The following CFAP54 variants were observed in gnomAD, a reference collection of about 807,000 sequenced individuals.
The protein encoded by CFAP54 is cilia and flagella associated protein 54, also known as cilia- and flagella-associated protein 54.
A neutral mutation model predicts 370.4 loss-of-function variants in CFAP54; 290 were observed. The observed-to-expected ratio is 0.78, with a 90% CI of 0.71 to 0.86. The LOEUF (loss-of-function observed/expected upper bound fraction) is 0.86, where lower values mean the gene tolerates loss of function less well. Among genes scored for constraint, CFAP54 ranks in the 40% least tolerant of loss-of-function variants. The pLI, the probability that CFAP54 is intolerant of heterozygous loss-of-function variation, is 0.00. For synonymous variants in CFAP54, 1,206 were observed against 1,236.5 expected (o/e 0.98, Z 0.52); for missense variants, 3,399 against 3,528.7 (o/e 0.96, Z 0.93).
In CFAP54 at chr12:96,752,085, T is replaced by TGAGAGAGAGAGAGAGAGA. The variant is rs55648812; in HGVS notation, c.7685-1627_7685-1610dup. Among the ~76,000 whole-genome samples, 243 of 90,614 alleles carry TGAGAGAGAGAGAGAGAGA rather than the reference T, an allele frequency of 2.7e-3. 13 individuals carry two copies. The highest frequency in any genetic ancestry group is 6.7e-3 in the Middle Eastern group (1 of 150). The allele number at this position is 90,614 out of a possible 152,430, so 59.4% of individuals were successfully genotyped here. ...AAGGACTCAGTAACTTCTTCCTGGA[T>TGAGAGAGAGAGAGAGAGA]GAGAGAGAGAGAGAGAGAGAGAGAG... On this transcript the variant is annotated intron_variant, in intron 55 of 67. Coordinates refer to ENST00000524981, the MANE Select transcript of CFAP54 (RefSeq NM_001306084.2).
intron 66 of CFAP54, among the ~76,000 whole-genome samples, chr12:96,859,599 GT>G (rs943985532): frequency 3.3e-5 from 5 of 152,028 alleles, no homozygotes; most frequent in Admixed American, 3.3e-4. Flanking sequence ...TAGAGACGGG[GT>G]TTCACTGTGT....
chr12:96,503,374 C>T (rs1955053970), intron 2 of CFAP54, among the ~76,000 whole-genome samples: 2 of 143,278 alleles, frequency 1.4e-5, no homozygotes, highest in Non-Finnish European at 3.1e-5. Flanking sequence ...TCTCTCCCTT[C>T]CCTCCTTCCT....
intron 50 of CFAP54, among the ~76,000 whole-genome samples, chr12:96,735,608 C>T (rs1173436771): frequency 6.6e-6 from 1 of 152,046 alleles, no homozygotes; most frequent in African/African-American, 2.4e-5. Context: ...AAAACTAATT[C>T]CTGAAAAAGG....
At chr12:96,680,864 A>G (rs1957261442) in intron 40 of CFAP54, among the ~76,000 whole-genome samples, 1 of 152,176 alleles carries the variant, frequency 6.6e-6, no homozygotes. Flanking sequence ...AGGGCAGATC[A>G]TTTGAGGTTA....
At chr12:96,812,489 C>A (rs779077773) in intron 64 of CFAP54, among the ~76,000 whole-genome samples, 5 of 152,132 alleles carry the variant, frequency 3.3e-5, no homozygotes, top group Non-Finnish European at 7.4e-5. Context: ...TTATTTTTGA[C>A]TCCATTGTTC....
intron 65 of CFAP54, among the ~76,000 whole-genome samples, chr12:96,819,794 A>G (rs1374326851): frequency 6.6e-6 from 1 of 152,144 alleles, no homozygotes; most frequent in African/African-American, 2.4e-5. Flanking sequence ...TGAAGTATTC[A>G]TATTTATCAA....
At chr12:96,494,597 G>A (rs554196028) in intron 1 of CFAP54, among the ~76,000 whole-genome samples, 4 of 151,740 alleles carry the variant, frequency 2.6e-5, no homozygotes, top group African/African-American at 7.3e-5. Flanking sequence ...CACCATGCAC[G>A]GCCTAATTTT....
At chr12:96,514,184 C>G (rs560228136) in intron 5 of CFAP54, among the ~76,000 whole-genome samples, 3 of 152,192 alleles carry the variant, frequency 2.0e-5, no homozygotes, top group African/African-American at 7.2e-5. Context: ...TTATTCCATA[C>G]AGAACCTTAC....
intron 14 of CFAP54, among the ~76,000 whole-genome samples, chr12:96,543,412 C>T (rs989543779): frequency 2.0e-5 from 3 of 152,142 alleles, no homozygotes; most frequent in African/African-American, 7.2e-5. Flanking sequence ...AGAACAAATA[C>T]AATGAAGTTG....
At chr12:96,761,541 T>A (rs183562867) in intron 58 of CFAP54, among the ~76,000 whole-genome samples, 15 of 152,180 alleles carry the variant, frequency 9.9e-5, no homozygotes, top group African/African-American at 3.1e-4. Context: ...TTGCGGCATA[T>A]CTAGCACCCT....
At chr12:96,814,722 C>CA (rs1269464582) in intron 64 of CFAP54, among the ~76,000 whole-genome samples, 1 of 152,156 alleles carries the variant, frequency 6.6e-6, no homozygotes, top group Non-Finnish European at 1.5e-5. Flanking sequence ...AACCCACCAA[C>CA]AGGCCCTAGT....
intron 67 of CFAP54, among the ~76,000 whole-genome samples, chr12:96,865,548 G>C (rs565975248): frequency 6.6e-6 from 1 of 152,252 alleles, no homozygotes; most frequent in African/African-American, 2.4e-5. Context: ...GGATAAAGGA[G>C]GGAGGATGAA....
chr12:96,744,595 A>G (rs1958090482), intron 55 of CFAP54, among the ~76,000 whole-genome samples: 1 of 152,256 alleles, frequency 6.6e-6, no homozygotes, highest in African/African-American at 2.4e-5. Flanking sequence ...AATGTGTTAA[A>G]TGCATTATGT....
intron 55 of CFAP54, among the ~76,000 whole-genome samples, chr12:96,751,960 C>T (rs529314307): frequency 6.6e-6 from 1 of 152,182 alleles, no homozygotes; most frequent in Non-Finnish European, 1.5e-5. Flanking sequence ...GGGAGCCTCC[C>T]AGAAGCAACG....
chr12:96,558,169 A>C (rs1470011445), intron 17 of CFAP54, among the ~76,000 whole-genome samples: 1 of 152,194 alleles, frequency 6.6e-6, no homozygotes, highest in Non-Finnish European at 1.5e-5. Flanking sequence ...GATTTAAAAC[A>C]TACATACATG....
At chr12:96,498,249 C>G (rs1565874844) in intron 1 of CFAP54, among the ~76,000 whole-genome samples, 1 of 152,210 alleles carries the variant, frequency 6.6e-6, no homozygotes, top group Non-Finnish European at 1.5e-5. Context: ...AATAAATGGT[C>G]CTGGAACAAC....
intron 2 of CFAP54, among the ~76,000 whole-genome samples, chr12:96,502,587 A>G (rs1955042879): frequency 6.6e-6 from 1 of 152,128 alleles, no homozygotes; most frequent in African/African-American, 2.4e-5. Context: ...GAGCAAAAAC[A>G]AATCTTTAAT....
At chr12:96,616,118 G>T (rs1313423529) in intron 26 of CFAP54, among the ~76,000 whole-genome samples, 1 of 152,178 alleles carries the variant, frequency 6.6e-6, no homozygotes, top group Admixed American at 6.5e-5. Context: ...CAAGCCAAAT[G>T]TCCAACAATG....
chr12:96,637,381 A>G (rs1320759776), intron 32 of CFAP54, among the ~76,000 whole-genome samples: 1 of 152,162 alleles, frequency 6.6e-6, no homozygotes, highest in Non-Finnish European at 1.5e-5. Context: ...TTTGGTTTAG[A>G]CATATTTTCA....
Sources: gnomAD v4.1 joint callset for allele counts (sites outside exome capture counted in the v4.1 genomes callset) on GRCh38, gnomAD v4.1.1 for gene constraint, MANE v1.5 for transcripts, NCBI Gene and HGNC (gene_info 2026-07-23, HGNC 2026-07-21) for gene names.